RPL37: variants seen among roughly 807,000 people sequenced by gnomAD.
RPL37 encodes the protein ribosomal protein L37, also known as large ribosomal subunit protein eL37.
RPL37 carries 1 observed loss-of-function variant against 14.8 expected under a neutral mutation model. The ratio of observed to expected loss-of-function variants is 0.07; its 90% CI spans 0.02 to 0.32. The LOEUF is 0.32. Ranked by LOEUF, RPL37 falls within the 10% of genes least tolerant of loss-of-function variation. The pLI is 1.00. For missense variants in RPL37, 100 were observed against 128.3 expected (o/e 0.78, Z 1.06); for synonymous variants, 53 against 45.8 (o/e 1.16, Z -0.63).
rs764304990 is a variant in RPL37 at position 40,834,472 on chromosome 5, C to G, written c.138G>C (p.Lys46Asn). The change falls in exon 2 of 4, where the codon AAG becomes AAC. Residue 46 changes from lysine to asparagine, a missense_variant and splice_region_variant. Physicochemically the swap from Lys to Asn is moderately conservative, Grantham distance 94. Around this residue, in one of 2 missense-constraint regions of RPL37, gnomAD observed 74 missense variants for 69.9 expected, o/e 1.06. Transcript: ENST00000274242. Reference sequence around the variant, plus strand: ...GTTGGCCTGAAAAATGTTACTTACACTTTCTCTTGCGCTTGGCAGGGTAGC... The same window carrying G: ...GTTGGCCTGAAAAATGTTACTTACAGTTTCTCTTGCGCTTGGCAGGGTAGC... ...KCGYPAKRKR[K>N]YNWSAKAKRR... 1 of 1,612,538 alleles carries G rather than the reference C, an allele frequency of 6.2e-7. No homozygotes were observed. The highest frequency in any genetic ancestry group is 8.5e-7 in the Non-Finnish European group (1 of 1,179,648).
rs10054398 is a variant in RPL37, at chr5:40,829,833, C to A, written c.*2671G>T. On this transcript the variant is annotated 3_prime_UTR_variant, in exon 4 of 4. Coordinates refer to ENST00000274242, the MANE Select transcript of RPL37 (RefSeq NM_000997.5). ...GATTACAGGCATGCACCACCACGCC[C>A]GGCTAATATTTTTGTATTTTTAGTA... is the stretch of plus-strand genomic sequence containing the variant. The A allele has an allele frequency of 6.6e-6, 1 of 151,824 alleles. No individual in the cohort carries two copies. The highest frequency in any genetic ancestry group is 2.4e-5 in the African/African-American group (1 of 41,312). 9.4% of individuals were successfully genotyped at this position (151,824 alleles called of 1,614,324 possible).
Position 40,825,820 on chromosome 5 carries a change from C to T in RPL37, c.*6684G>A, listed in dbSNP as rs1342087078. The T allele has an allele frequency of 1.3e-5, 2 of 152,358 alleles. No individual in the cohort carries two copies. The highest frequency in any genetic ancestry group is 2.9e-5 in the Non-Finnish European group (2 of 68,146). The allele number at this position is 152,358 out of a possible 1,614,324, so 9.4% of individuals were successfully genotyped here. A position where few individuals can be genotyped will look rare whatever the true frequency, so the allele number is the denominator to read the frequency against. Reference sequence around the variant, plus strand: ...TCCTGGGCTCAGGTGATCCTCCTGCCTCAGCCTTCGGAGTAGCTGGGATTA... The same window carrying T: ...TCCTGGGCTCAGGTGATCCTCCTGCTTCAGCCTTCGGAGTAGCTGGGATTA... On this transcript the variant is annotated 3_prime_UTR_variant, in exon 4 of 4. Transcript: ENST00000274242.
chr5:40,832,697 A>G, intron 3 of RPL37, 124 bp from the exon 4 acceptor site: 2 of 789,352 alleles, frequency 2.5e-6, no homozygotes, highest in South Asian at 1.4e-5. Context: ...CTGCATTCAT[A>G]TGTTCAGACA....
chr5:40,831,715 G>A lies in RPL37; in HGVS notation c.*789C>T, dbSNP rs1271548279. On this transcript the variant is annotated 3_prime_UTR_variant, in exon 4 of 4. Coordinates refer to ENST00000274242, the MANE Select transcript of RPL37 (RefSeq NM_000997.5). ...CCTGTCAATAAACCACGAAAACTAG[G>A]AAGGCACGACAGCAAGTTTCAGTGC... 2 of 152,122 alleles carry A rather than the reference G, an allele frequency of 1.3e-5. No homozygotes were observed. The highest frequency in any genetic ancestry group is 4.8e-5 in the African/African-American group (2 of 41,380). The allele number at this position is 152,122 out of a possible 1,614,324, so 9.4% of individuals were successfully genotyped here. A position where few individuals can be genotyped will look rare whatever the true frequency, so the allele number is the denominator to read the frequency against.
intron 3 of RPL37, 53 bp downstream of exon 3, chr5:40,834,128 A>G (rs778941592): frequency 4.6e-5 from 55 of 1,199,046 alleles, no homozygotes; most frequent in Non-Finnish European, 6.7e-5. Context: ...AGTAAACACG[A>G]GGGTTTCATT....
intron 3 of RPL37, among the ~76,000 whole-genome samples, chr5:40,833,508 A>C: frequency 6.6e-6 from 1 of 152,342 alleles, no homozygotes; most frequent in East Asian, 1.9e-4. Context: ...TTCTGCATTT[A>C]TAACTCTAAG....
chr5:40,833,649 TGACAA>T (rs1345251427), intron 3 of RPL37, among the ~76,000 whole-genome samples: 1 of 152,180 alleles, frequency 6.6e-6, no homozygotes, highest in East Asian at 1.9e-4. Context: ...ACTACTGTCT[TGACAA>T]ATTTTGACAC....
chr5:40,828,709 GCCCCCCTCAAACAAT>G lies in RPL37; in HGVS notation c.*3780_*3794del, dbSNP rs1745571573. The stretch of plus-strand genomic sequence containing the variant: ...TGGCCTCAGCCACATGTGACTGAGT[GCCCCCCTCAAACAAT>G]CCCCTTCCTTGGTTTGTGTGACTCC... On this transcript the variant is annotated 3_prime_UTR_variant, in exon 4 of 4. Transcript: ENST00000274242. 6.6e-6 allele frequency: 1 copy of G among 152,072 alleles called. No individual in the cohort carries two copies. The highest frequency in any genetic ancestry group is 2.4e-5 in the African/African-American group (1 of 41,404). 9.4% of individuals were successfully genotyped at this position (152,072 alleles called of 1,614,324 possible). A position where few individuals can be genotyped will look rare whatever the true frequency, so the allele number is the denominator to read the frequency against.
rs559703246 is a variant in RPL37 at position 40,829,758 on chromosome 5, C to G, written c.*2746G>C. ...GGCCTCTGCAGCTCACCGCAACCTC[C>G]GTCTCCCAGGTTCAAGCAATTCTCC... On this transcript the variant is annotated 3_prime_UTR_variant, in exon 4 of 4. Coordinates refer to ENST00000274242, the MANE Select transcript of RPL37 (RefSeq NM_000997.5). The G allele has an allele frequency of 1.3e-4, 19 of 151,980 alleles. No homozygotes were observed. The highest frequency in any genetic ancestry group is 4.3e-4 in the African/African-American group (18 of 41,410). 9.4% of individuals were successfully genotyped at this position (151,980 alleles called of 1,614,324 possible).
Position 40,832,198 on chromosome 5 carries a change from C to A in RPL37, c.*306G>T. Reference sequence around the variant, plus strand: ...CAAATTTACTCAAACATCTAAAATACCCACCTATGCCACATGAGCTGTGCT... The same window carrying A: ...CAAATTTACTCAAACATCTAAAATAACCACCTATGCCACATGAGCTGTGCT... On this transcript the variant is annotated 3_prime_UTR_variant, in exon 4 of 4. Coordinates refer to ENST00000274242, the MANE Select transcript of RPL37 (RefSeq NM_000997.5). The A allele has an allele frequency of 3.2e-6, 1 of 312,164 alleles. No homozygotes were observed. Among genetic ancestry groups the A allele is most frequent in the South Asian group, 4.0e-5 (1 of 25,088 alleles). The allele number at this position is 312,164 out of a possible 1,614,324, so 19.3% of individuals were successfully genotyped here.
At position 40,832,202 on chromosome 5, in the gene RPL37, C is replaced by T; in HGVS notation, c.*302G>A. 3.0e-6 allele frequency: 1 copy of T among 332,950 alleles called. No homozygotes were observed. Among genetic ancestry groups the T allele is most frequent in the South Asian group, 3.5e-5 (1 of 28,510 alleles). 20.6% of individuals were successfully genotyped at this position (332,950 alleles called of 1,614,324 possible). On this transcript the variant is annotated 3_prime_UTR_variant, in exon 4 of 4. Transcript: ENST00000274242. Reference sequence around the variant, plus strand: ...TTTACTCAAACATCTAAAATACCCACCTATGCCACATGAGCTGTGCTATTT... The same window carrying T: ...TTTACTCAAACATCTAAAATACCCATCTATGCCACATGAGCTGTGCTATTT...
In RPL37 at chr5:40,826,108, A is replaced by C. The variant is rs1275433321; in HGVS notation, c.*6396T>G. On this transcript the variant is annotated 3_prime_UTR_variant, in exon 4 of 4. Coordinates refer to ENST00000274242, the MANE Select transcript of RPL37 (RefSeq NM_000997.5). ...TCTTTTTAAAAAATAACTTTCCTCC[A>C]AATAACTTACTAATTTTATTCATAT... is the stretch of plus-strand genomic sequence containing the variant. 6.6e-6 allele frequency: 1 copy of C among 152,200 alleles called. No individual in the cohort carries two copies. Among genetic ancestry groups the C allele is most frequent in the Non-Finnish European group, 1.5e-5 (1 of 68,038 alleles). 9.4% of individuals were successfully genotyped at this position (152,200 alleles called of 1,614,324 possible).
rs756649307 is a variant in RPL37, at chr5:40,834,479, T to C, written c.131A>G (p.Lys44Arg). Residue 44 changes from lysine (K) to arginine (R), a missense_variant, in exon 2 of 4, where the codon AAG becomes AGG. By Grantham distance (26) the Lys-to-Arg change is conservative. Around this residue, in one of 2 missense-constraint regions of RPL37, gnomAD observed 74 missense variants for 69.9 expected, o/e 1.06. Transcript: ENST00000274242. ...TGAAAAATGTTACTTACACTTTCTC[T>C]TGCGCTTGGCAGGGTAGCCACATTT... ...CGKCGYPAKR[K>R]RKYNWSAKAK... 5.0e-6 allele frequency: 8 copies of C among 1,612,942 alleles called. No homozygotes were observed. The highest frequency in any genetic ancestry group is 6.8e-6 in the Non-Finnish European group (8 of 1,179,812).
intron 3 of RPL37, chr5:40,832,774 T>C: frequency 1.5e-6 from 1 of 688,658 alleles, no homozygotes; most frequent in Non-Finnish European, 2.8e-6. Flanking sequence ...CATTTTCGGA[T>C]ATAGTTAACT....
rs759339824 is a variant in RPL37 at position 40,831,911 on chromosome 5, A to G, written c.*593T>C. 1 of 152,918 alleles carries G rather than the reference A, an allele frequency of 6.5e-6. No homozygotes were observed. 9.5% of individuals were successfully genotyped at this position (152,918 alleles called of 1,614,324 possible). The stretch of plus-strand genomic sequence containing the variant: ...CCTACTTTTTCTCAAACCTATTTAC[A>G]TATTCTTAAGTTGACTCACACCTAG... On this transcript the variant is annotated 3_prime_UTR_variant, in exon 4 of 4. Coordinates refer to ENST00000274242, the MANE Select transcript of RPL37 (RefSeq NM_000997.5).
intron 1 of RPL37, among the ~76,000 whole-genome samples, 191 bp from the exon 2 acceptor site, chr5:40,834,797 G>A (rs1050362344): frequency 3.9e-5 from 6 of 152,186 alleles, no homozygotes; most frequent in African/African-American, 1.4e-4. Context: ...CCCTCCGCAA[G>A]AGTTGCAATG....
At chr5:40,834,659 T>G in intron 1 of RPL37, 53 bp from the exon 2 acceptor site, 1 of 1,539,972 alleles carries the variant, frequency 6.5e-7, no homozygotes, top group East Asian at 2.3e-5. Flanking sequence ...CTAGATTTAC[T>G]CGAGTTCTCC....
chr5:40,835,159 A>C (rs375326381), intron 1 of RPL37, 24 bp downstream of exon 1: 1 of 1,614,128 alleles, frequency 6.2e-7, no homozygotes, highest in Non-Finnish European at 8.5e-7. Flanking sequence ...AACGCGATTC[A>C]CAAACACCAC....
Position 40,832,391 on chromosome 5 carries a change from C to T in RPL37, c.*113G>A, listed in dbSNP as rs1188541817. The T allele has an allele frequency of 1.2e-5, 11 of 903,930 alleles. No individual in the cohort carries two copies. Among genetic ancestry groups the T allele is most frequent in the East Asian group, 2.4e-5 (1 of 40,884 alleles). The allele number at this position is 903,930 out of a possible 1,614,324, so 56.0% of individuals were successfully genotyped here. On this transcript the variant is annotated 3_prime_UTR_variant, in exon 4 of 4. Coordinates refer to ENST00000274242, the MANE Select transcript of RPL37 (RefSeq NM_000997.5). ...ATATGAAGCTAGCCCAGTCCCTAAA[C>T]CTACAGTATTTCACTGATACTACAA...
Sources: allele counts gnomAD v4.1 joint callset (sites outside exome capture counted in the v4.1 genomes callset), GRCh38; gene constraint gnomAD v4.1.1; regional missense constraint gnomAD v4.1.1; transcripts MANE v1.5; gene names NCBI Gene and HGNC (gene_info 2026-07-23, HGNC 2026-07-21).